The following ALOX15B variants were observed in gnomAD, a reference collection of about 807,000 sequenced individuals.
ALOX15B encodes the protein arachidonate 15-lipoxygenase type B, also known as polyunsaturated fatty acid lipoxygenase ALOX15B.
Under a neutral mutation model 73.8 loss-of-function variants are expected in ALOX15B, and 74 were observed. That is an observed-to-expected ratio of 1.00 (90% confidence interval 0.83 to 1.22). The LOEUF (loss-of-function observed/expected upper bound fraction) is 1.22. ALOX15B is among the 50% of genes most tolerant of loss of function. ALOX15B has a pLI of 0.00. For synonymous variants in ALOX15B, 353 were observed against 357.2 expected (o/e 0.99, Z 0.13); for missense variants, 896 against 859.9 (o/e 1.04, Z -0.52).
intron 11 of ALOX15B, 59 bp from the exon 12 acceptor site, chr17:8,047,505 C>T: frequency 1.3e-6 from 2 of 1,570,428 alleles, no homozygotes; most frequent in Non-Finnish European, 1.7e-6. Flanking sequence ...ACCCTCAAGC[C>T]TCCGCAGCAG....
intron 8 of ALOX15B, among the ~76,000 whole-genome samples, chr17:8,046,095 G>C (rs1411031018): frequency 6.6e-6 from 1 of 152,194 alleles, no homozygotes; most frequent in Non-Finnish European, 1.5e-5. Context: ...GACCCTGCTA[G>C]CTTTCAGACG....
Position 8,045,810 on chromosome 17 carries a change from A to G in ALOX15B, c.1200+124A>G, listed in dbSNP as rs1008231559. ...CAGAGCCCCCGTCCGCTTCAGCAGCATCTCCTGGCACAACTCCCCTGGAAG... is the reference window on the plus strand; with the variant it reads ...CAGAGCCCCCGTCCGCTTCAGCAGCGTCTCCTGGCACAACTCCCCTGGAAG... On this transcript the variant is annotated intron_variant, in intron 8 of 13. Transcript: ENST00000380183. 3.7e-6 allele frequency: 4 copies of G among 1,069,594 alleles called. No individual in the cohort carries two copies. The African/African-American group carries it at 6.3e-5, about 17-fold the overall frequency. 66.3% of individuals were successfully genotyped at this position (1,069,594 alleles called of 1,614,324 possible).
chr17:8,039,870 C>T, intron 2 of ALOX15B, 32 bp from the exon 3 acceptor site: 1 of 1,587,978 alleles, frequency 6.3e-7, no homozygotes, highest in Non-Finnish European at 8.6e-7. Flanking sequence ...GAGTTTCTCT[C>T]CCCACCCCAA....
Position 8,048,478 on chromosome 17 carries a change from G to C in ALOX15B, c.1944G>C (p.Ser648=), listed in dbSNP as rs757548309. ...TCCAGAGCCGCCTGGCCCAGATCTCGAGGGGCATCCAGGAGCGGAACCAGG... is the reference window on the plus strand; with the variant it reads ...TCCAGAGCCGCCTGGCCCAGATCTCCAGGGGCATCCAGGAGCGGAACCAGG... The part of the protein sequence containing the change: ...ATFQSRLAQI[S]RGIQERNQGL... The change falls in exon 14 of 14, where the codon TCG becomes TCC. Residue 648 remains serine (S), a synonymous_variant. Coordinates refer to ENST00000380183, the MANE Select transcript of ALOX15B (RefSeq NM_001141.3). The C allele has an allele frequency of 1.9e-6, 3 of 1,614,002 alleles. No individual in the cohort carries two copies. The highest frequency in any genetic ancestry group is 2.5e-6 in the Non-Finnish European group (3 of 1,180,032).
At chr17:8,042,635 TC>T in intron 4 of ALOX15B, 144 bp downstream of exon 4, 1 of 1,367,520 alleles carries the variant, frequency 7.3e-7, no homozygotes, top group Non-Finnish European at 1.0e-6. Flanking sequence ...CCACTACCAA[TC>T]CCACAGAGCA....
Position 8,044,834 on chromosome 17 carries a change from G to T in ALOX15B, c.682G>T (p.Ala228Ser), listed in dbSNP as rs143883230. Residue 228 changes from alanine to serine, a missense_variant, in exon 6 of 14, where the codon GCA (alanine) becomes TCA (serine). Physicochemically the swap from Ala to Ser is moderately conservative, Grantham distance 99. Coordinates refer to ENST00000380183, the MANE Select transcript of ALOX15B (RefSeq NM_001141.3). ...NFRRTPAAEH[A>S]FEHWQEDAFF... ...CTGTCCCCCACCCCCTGCAGAGCAC[G>T]CATTTGAGCACTGGCAGGAGGACGC... 1 of 1,455,756 alleles carries T rather than the reference G, an allele frequency of 6.9e-7. No homozygotes were observed. Among genetic ancestry groups the T allele is most frequent in the Non-Finnish European group, 9.3e-7 (1 of 1,080,994 alleles). 90.2% of individuals were successfully genotyped at this position (1,455,756 alleles called of 1,614,324 possible). A position where few individuals can be genotyped will look rare whatever the true frequency, so the allele number is the denominator to read the frequency against.
rs1469322775 is a variant in ALOX15B at position 8,040,574 on chromosome 17, A to AG, written c.449+591_449+592insG. Among the ~76,000 whole-genome samples the AG allele has an allele frequency of 5.3e-3, 753 of 141,870 alleles. 6 individuals carry two copies. The highest frequency in any genetic ancestry group is 0.021 in the African/African-American group (697 of 33,954). The allele number at this position is 141,870 out of a possible 152,430, so 93.1% of individuals were successfully genotyped here. On this transcript the variant is annotated intron_variant, in intron 3 of 13. Coordinates refer to ENST00000380183, the MANE Select transcript of ALOX15B (RefSeq NM_001141.3). ...AGAAAAAAAAAAAGGAAGGAAGGAA[A>AG]AGGAAGGAAAGAGAGAAAGAAAGAG...
In ALOX15B at chr17:8,039,090, T is replaced by C. The variant is rs1386358836; in HGVS notation, c.-66T>C. The C allele has an allele frequency of 1.3e-6, 2 of 1,547,476 alleles. No homozygotes were observed. Among genetic ancestry groups the C allele is most frequent in the Admixed American group, 3.9e-5 (2 of 50,676 alleles). On this transcript the variant is annotated 5_prime_UTR_variant, in exon 1 of 14. Transcript: ENST00000380183. The stretch of plus-strand genomic sequence containing the variant: ...AATAACCAGGGGCAATAACCAGGCG[T>C]GTCCCAGGGGGGAGCCCCGCTCTGC...
intron 9 of ALOX15B, 32 bp from the exon 10 acceptor site, chr17:8,046,875 G>T: frequency 6.2e-7 from 1 of 1,613,036 alleles, no homozygotes. Context: ...TCTGGAGCAA[G>T]GTCTGTAGGA....
chr17:8,047,023 C>T lies in ALOX15B; in HGVS notation c.1404C>T (p.Ile468=). The T allele has an allele frequency of 6.2e-7, 1 of 1,614,062 alleles. No homozygotes were observed. Among genetic ancestry groups the T allele is most frequent in the South Asian group, 1.1e-5 (1 of 91,078 alleles). The change falls in exon 10 of 14, where the codon ATC becomes ATT. Residue 468 remains isoleucine, a synonymous_variant. Coordinates refer to ENST00000380183, the MANE Select transcript of ALOX15B (RefSeq NM_001141.3). ...TCCGGACCCGAGGAGTTGAAGACAT[C>T]CCAGGCTACTACTACCGTGATGATG... ...EDIRTRGVED[I]PGYYYRDDGM... is the part of the protein sequence containing the mutation.
chr17:8,047,104 G>A, intron 10 of ALOX15B, 28 bp downstream of exon 10: 1 of 1,612,712 alleles, frequency 6.2e-7, no homozygotes, highest in South Asian at 1.1e-5. Flanking sequence ...GAGAGCCGAG[G>A]GCTGGTCGGG....
Position 8,047,641 on chromosome 17 carries a change from C to T in ALOX15B, c.1657C>T (p.His553Tyr), listed in dbSNP as rs1276790185. The change falls in exon 12 of 14, where the codon CAT (histidine) becomes TAT (tyrosine). Residue 553 changes from histidine to tyrosine, a missense_variant. Transcript: ENST00000380183. The stretch of plus-strand genomic sequence containing the variant: ...GGTGATATTCACCTGCTCCGCCAAG[C>T]ATGCGGCTGTCAGTGCAGGGCAGGT... ...TMVIFTCSAKHAAVSAGQFDS... is the reference protein window; with the variant it reads ...TMVIFTCSAKYAAVSAGQFDS... The T allele has an allele frequency of 3.7e-6, 6 of 1,611,654 alleles. No homozygotes were observed. Among genetic ancestry groups the T allele is most frequent in the South Asian group, 1.1e-5 (1 of 90,602 alleles).
Position 8,045,589 on chromosome 17 carries a change from A to C in ALOX15B, c.1103A>C (p.His368Pro). 6.2e-7 allele frequency: 1 copy of C among 1,614,054 alleles called. No homozygotes were observed. The highest frequency in any genetic ancestry group is 2.2e-5 in the East Asian group (1 of 44,872). Residue 368 changes from histidine (H) to proline (P), a missense_variant, in exon 8 of 14, where the codon CAT becomes CCT. By Grantham distance (77) the His-to-Pro change is moderately conservative. Transcript: ENST00000380183. ...TWVRNAEFSF[H>P]EALTHLLHSH... is the part of the protein sequence containing the mutation. ...GTGCGCAATGCCGAGTTCTCCTTCC[A>C]TGAGGCCCTCACGCACCTGCTGCAC...
chr17:8,048,525 A>G lies in ALOX15B; in HGVS notation c.1991A>G (p.Tyr664Cys), dbSNP rs1976676505. Residue 664 changes from tyrosine to cysteine, a missense_variant, in exon 14 of 14, where the codon TAC becomes TGC. Coordinates refer to ENST00000380183, the MANE Select transcript of ALOX15B (RefSeq NM_001141.3). ...CAGGGCCTGGTGCTGCCCTACACCT[A>G]CCTAGACCCTCCCCTCATCGAGAAC... is the stretch of plus-strand genomic sequence containing the variant. ...RNQGLVLPYT[Y>C]LDPPLIENSV... is the part of the protein sequence containing the mutation. 2 of 1,613,980 alleles carry G rather than the reference A, an allele frequency of 1.2e-6. No homozygotes were observed. The highest frequency in any genetic ancestry group is 1.7e-5 in the Admixed American group (1 of 59,988).
At position 8,045,317 on chromosome 17, in the gene ALOX15B, C is replaced by G. The variant is rs757615077; in HGVS notation, c.929C>G (p.Ser310Cys). 1 of 1,614,212 alleles carries G rather than the reference C, an allele frequency of 6.2e-7. No homozygotes were observed. Among genetic ancestry groups the G allele is most frequent in the South Asian group, 1.1e-5 (1 of 91,084 alleles). ...GTCATTAATGGGAAGCCTCAGTTCT[C>G]TGCGGCCCCAATGACCCTGCTATAC... ...TNVINGKPQF[S>C]AAPMTLLYQS... The change falls in exon 7 of 14, where the codon TCT (serine) becomes TGT (cysteine). Residue 310 changes from serine (S) to cysteine (C), a missense_variant. Ser to Cys is a moderately radical substitution (Grantham distance 112). Transcript: ENST00000380183.
At chr17:8,039,636 G>C in intron 2 of ALOX15B, 31 bp downstream of exon 2, 2 of 1,189,548 alleles carry the variant, frequency 1.7e-6, no homozygotes, top group Non-Finnish European at 2.4e-6. Context: ...GGGCTGCAGG[G>C]GGAGCACAGG....
Position 8,042,846 on chromosome 17 carries a change from T to C in ALOX15B, c.638T>C (p.Met213Thr), listed in dbSNP as rs1443823228. The part of the protein sequence containing the change: ...RKGLWRSLNE[M>T]KRIFNFRRTP... ...GGGCTCTGGAGGAGTCTGAATGAGA[T>C]GAAAAGGATCTTCAACTTCCGGAGG... The change falls in exon 5 of 14, where the codon ATG becomes ACG. Residue 213 changes from methionine (M) to threonine (T), a missense_variant. Transcript: ENST00000380183. 1 of 1,556,772 alleles carries C rather than the reference T, an allele frequency of 6.4e-7. No homozygotes were observed. Among genetic ancestry groups the C allele is most frequent in the Non-Finnish European group, 8.7e-7 (1 of 1,149,838 alleles).
At position 8,044,901 on chromosome 17, in the gene ALOX15B, T is replaced by C. The variant is rs1214835002; in HGVS notation, c.749T>C (p.Leu250Pro). Residue 250 changes from leucine (L) to proline (P), a missense_variant, in exon 6 of 14, where the codon CTG becomes CCG. Leu to Pro is a moderately conservative substitution (Grantham distance 98, BLOSUM62 -3). Coordinates refer to ENST00000380183, the MANE Select transcript of ALOX15B (RefSeq NM_001141.3). ...SQFLNGLNPV[L>P]IRRCHYLPKN... ...TTCCTGAATGGTCTCAACCCTGTCC[T>C]GATCCGCCGCTGTCACTACCTCCCA... is the stretch of plus-strand genomic sequence containing the variant. 2 of 1,613,978 alleles carry C rather than the reference T, an allele frequency of 1.2e-6. No individual in the cohort carries two copies. The highest frequency in any genetic ancestry group is 3.3e-4 in the Middle Eastern group (2 of 6,060).
chr17:8,044,779 C>G, intron 5 of ALOX15B, 50 bp from the exon 6 acceptor site: 2 of 1,259,708 alleles, frequency 1.6e-6, no homozygotes, highest in Non-Finnish European at 2.2e-6. Context: ...CCACCCCCTG[C>G]AAAGCACGCA....
Sources: allele counts gnomAD v4.1 joint callset (sites outside exome capture counted in the v4.1 genomes callset), GRCh38; gene constraint gnomAD v4.1.1; transcripts MANE v1.5; gene names NCBI Gene and HGNC (gene_info 2026-07-23, HGNC 2026-07-21).